Variants in PDZD2 observed in about 807,000 individuals in gnomAD.
The protein encoded by PDZD2 is PDZ domain containing 2.
PDZD2 carries 90 observed loss-of-function variants against 220.7 expected under a neutral mutation model. That is an observed-to-expected ratio of 0.41 (90% CI 0.34 to 0.49). PDZD2 has a LOEUF of 0.49. Ranked by LOEUF, PDZD2 falls within the 20% of genes least tolerant of loss-of-function variation. PDZD2 has a pLI of 0.28. For synonymous variants in PDZD2, 1,375 were observed against 1,450.5 expected (o/e 0.95, Z 1.18); for missense variants, 3,174 against 3,608.5 (o/e 0.88, Z 3.08).
intron 1 of PDZD2, among the ~76,000 whole-genome samples, chr5:31,710,755 G>A (rs778778592): frequency 6.6e-6 from 1 of 151,454 alleles, no homozygotes. Context: ...GGTGGAGGTT[G>A]CAGTGAGCCG....
intron 5 of PDZD2, among the ~76,000 whole-genome samples, chr5:32,003,471 CCACACCACACTACACA>C (rs1752549618): frequency 1.0e-5 from 1 of 96,348 alleles, no homozygotes; most frequent in Non-Finnish European, 2.0e-5. Context: ...CCCACCCCCC[CCACACCACACTACACA>C]CACACCACAT....
chr5:31,743,268 G>A (rs539894355), intron 1 of PDZD2, among the ~76,000 whole-genome samples: 170 of 151,474 alleles, frequency 1.1e-3, no homozygotes, highest in African/African-American at 3.8e-3. Flanking sequence ...CAACCTTCCC[G>A]GGCTCAGGTG....
At chr5:32,043,496 G>A (rs1328018092) in intron 7 of PDZD2, among the ~76,000 whole-genome samples, 1 of 152,222 alleles carries the variant, frequency 6.6e-6, no homozygotes, top group African/African-American at 2.4e-5. Context: ...ATAAACATGA[G>A]TGCCTTCTAG....
At chr5:31,881,878 C>G (rs1402500880) in intron 2 of PDZD2, among the ~76,000 whole-genome samples, 5 of 151,778 alleles carry the variant, frequency 3.3e-5, no homozygotes, top group Non-Finnish European at 5.9e-5. Flanking sequence ...CCATGCCTGG[C>G]TAATTCCTTT....
Position 32,048,781 on chromosome 5 carries a change from G to A in PDZD2, c.1665+97G>A, listed in dbSNP as rs1738231868. On this transcript the variant is annotated intron_variant, in intron 8 of 24. Transcript: ENST00000438447. ...CAGGCCAGGAGTGTCTGGGGCTAGA[G>A]AAGTGGGATAGAGAGAGACAGCAGG... The A allele has an allele frequency of 1.6e-6, 2 of 1,276,030 alleles. 1 individual carries two copies. The highest frequency in any genetic ancestry group is 4.0e-5 in the Admixed American group (2 of 50,086). 79.0% of individuals were successfully genotyped at this position (1,276,030 alleles called of 1,614,324 possible). A position where few individuals can be genotyped will look rare whatever the true frequency, so the allele number is the denominator to read the frequency against.
chr5:31,729,056 TA>T (rs1402244567), intron 1 of PDZD2, among the ~76,000 whole-genome samples: 16 of 150,012 alleles, frequency 1.1e-4, no homozygotes, highest in Non-Finnish European at 2.4e-4. Flanking sequence ...GTATATGTAT[TA>T]ATCAAATGAG....
chr5:31,876,861 T>G (rs976530854), intron 2 of PDZD2, among the ~76,000 whole-genome samples: 7 of 152,340 alleles, frequency 4.6e-5, no homozygotes, highest in African/African-American at 1.7e-4. Flanking sequence ...TGACCAGGTA[T>G]GGCCTCAAAT....
chr5:32,052,524 T>C (rs1475307025), intron 8 of PDZD2, 87 bp from the exon 9 acceptor site: 5 of 1,257,772 alleles, frequency 4.0e-6, no homozygotes, highest in Middle Eastern at 2.0e-4. Context: ...CATCTAAGAT[T>C]TTCAAAGTCT....
intron 2 of PDZD2, among the ~76,000 whole-genome samples, chr5:31,924,681 T>TC: frequency 6.6e-6 from 1 of 152,232 alleles, no homozygotes. Flanking sequence ...GATTCTGGTC[T>TC]TGAGACGTAG....
At chr5:31,821,329 C>G (rs1755836089) in intron 2 of PDZD2, among the ~76,000 whole-genome samples, 1 of 151,554 alleles carries the variant, frequency 6.6e-6, no homozygotes. Flanking sequence ...ATCTGATTAT[C>G]TAAATACCAT....
intron 2 of PDZD2, among the ~76,000 whole-genome samples, chr5:31,959,998 C>G (rs1394844970): frequency 6.6e-6 from 1 of 152,104 alleles, no homozygotes. Context: ...TTTCTCTTAT[C>G]AAGACACACT....
At chr5:31,911,005 G>A in intron 2 of PDZD2, among the ~76,000 whole-genome samples, 1 of 152,090 alleles carries the variant, frequency 6.6e-6, no homozygotes, top group East Asian at 1.9e-4. Context: ...AGATAATTGT[G>A]TCTTCTCCCA....
intron 14 of PDZD2, among the ~76,000 whole-genome samples, chr5:32,063,760 A>G (rs969797716): frequency 3.3e-5 from 5 of 152,258 alleles, no homozygotes; most frequent in African/African-American, 1.2e-4. Context: ...GACCTTTACC[A>G]GGACATTACG....
At chr5:32,003,030 C>T (rs911760951) in intron 5 of PDZD2, among the ~76,000 whole-genome samples, 7 of 134,944 alleles carry the variant, frequency 5.2e-5, no homozygotes, top group African/African-American at 2.0e-4. Context: ...ATACCACATG[C>T]ATACCATACA....
chr5:31,680,120 C>G (rs1746596120), intron 1 of PDZD2, among the ~76,000 whole-genome samples: 1 of 152,218 alleles, frequency 6.6e-6, no homozygotes, highest in African/African-American at 2.4e-5. Flanking sequence ...CAAGTCCTCA[C>G]TCATTCATTT....
intron 1 of PDZD2, among the ~76,000 whole-genome samples, chr5:31,726,344 C>G (rs975621115): frequency 6.6e-6 from 1 of 152,208 alleles, no homozygotes; most frequent in Admixed American, 6.5e-5. Context: ...GCCTGGCCAT[C>G]ATGGTGAAAC....
At chr5:32,095,108 C>T (rs1317083026) in intron 21 of PDZD2, among the ~76,000 whole-genome samples, 1 of 152,182 alleles carries the variant, frequency 6.6e-6, no homozygotes, top group Non-Finnish European at 1.5e-5. Flanking sequence ...GAGGAGAAGA[C>T]CAGACTGTCC....
intron 2 of PDZD2, among the ~76,000 whole-genome samples, chr5:31,948,380 ACC>A (rs1746849522): frequency 6.6e-6 from 1 of 152,092 alleles, no homozygotes; most frequent in African/African-American, 2.4e-5. Context: ...AGGCTTTTCG[ACC>A]TTGTTTTCCA....
chr5:32,037,895 G>A (rs1755682566), intron 7 of PDZD2, among the ~76,000 whole-genome samples: 2 of 151,212 alleles, frequency 1.3e-5, no homozygotes, highest in South Asian at 4.2e-4. Flanking sequence ...AGGCTAAAGT[G>A]CAGTGGCATG....
Sources: allele counts gnomAD v4.1 joint callset (sites outside exome capture counted in the v4.1 genomes callset), GRCh38; gene constraint gnomAD v4.1.1; transcripts MANE v1.5; gene names NCBI Gene and HGNC (gene_info 2026-07-23, HGNC 2026-07-21).